The following ZNF407 variants were observed in gnomAD, a reference collection of about 807,000 sequenced individuals.
ZNF407 encodes the protein zinc finger protein 407.
ZNF407 carries 17 observed loss-of-function variants against 131.2 expected under a neutral mutation model. The observed-to-expected ratio is 0.13, with a 90% CI of 0.09 to 0.19. The LOEUF (loss-of-function observed/expected upper bound fraction) is 0.19. ZNF407 is among the 10% of genes least tolerant of loss of function. The pLI is 1.00. For synonymous variants in ZNF407, 1,156 were observed against 1,062.0 expected, an observed-to-expected ratio of 1.09 and a Z score of -1.72; for missense variants, 2,681 against 2,830.6, an observed-to-expected ratio of 0.95 and a Z score of 1.20.
intron 1 of ZNF407, among the ~76,000 whole-genome samples, chr18:74,609,887 T>C (rs994640855): frequency 6.6e-6 from 1 of 152,212 alleles, no homozygotes; most frequent in African/African-American, 2.4e-5. Context: ...GGCTTATCCA[T>C]TTGGTGGTTC....
intron 1 of ZNF407, among the ~76,000 whole-genome samples, chr18:74,625,933 T>A (rs542588868): frequency 6.6e-6 from 1 of 152,256 alleles, no homozygotes; most frequent in East Asian, 1.9e-4. Flanking sequence ...TAAATAACCA[T>A]AACAGAAAAA....
intron 7 of ZNF407, among the ~76,000 whole-genome samples, chr18:74,911,752 C>T (rs1971675176): frequency 1.3e-5 from 2 of 152,092 alleles, no homozygotes; most frequent in Non-Finnish European, 2.9e-5. Flanking sequence ...CACAAAAATA[C>T]GCATTCTAAA....
chr18:74,684,613 C>T (rs552825607), intron 3 of ZNF407, among the ~76,000 whole-genome samples: 24 of 152,124 alleles, frequency 1.6e-4, no homozygotes, highest in African/African-American at 3.1e-4. Flanking sequence ...TACTGTAAAC[C>T]GAATTATTTG....
chr18:75,000,942 A>G (rs1038993821), intron 8 of ZNF407, among the ~76,000 whole-genome samples: 1 of 152,188 alleles, frequency 6.6e-6, no homozygotes, highest in Admixed American at 6.5e-5. Flanking sequence ...AGTAGGGTGC[A>G]GTGAAATATC....
intron 7 of ZNF407, among the ~76,000 whole-genome samples, chr18:74,897,031 G>A (rs1023046855): frequency 6.6e-6 from 1 of 151,878 alleles, no homozygotes; most frequent in African/African-American, 2.4e-5. Context: ...TTCATATTCA[G>A]CTTGCTTTAT....
chr18:74,664,372 G>A (rs1308991780), intron 3 of ZNF407, among the ~76,000 whole-genome samples: 1 of 152,156 alleles, frequency 6.6e-6, no homozygotes, highest in African/African-American at 2.4e-5. Context: ...GCAGGTGCCT[G>A]TAGTCCCAGC....
intron 3 of ZNF407, among the ~76,000 whole-genome samples, chr18:74,720,215 A>AG (rs1967997711): frequency 1.3e-5 from 2 of 151,798 alleles, no homozygotes; most frequent in South Asian, 2.1e-4. Context: ...CATTCAACTG[A>AG]GGTGAGATGA....
At chr18:75,006,430 A>T (rs1972911372) in intron 8 of ZNF407, among the ~76,000 whole-genome samples, 1 of 152,148 alleles carries the variant, frequency 6.6e-6, no homozygotes, top group Non-Finnish European at 1.5e-5. Context: ...CCTCCAAGTA[A>T]TGTCTTAGCT....
chr18:74,840,065 T>C (rs1374118117), intron 4 of ZNF407, among the ~76,000 whole-genome samples: 1 of 152,128 alleles, frequency 6.6e-6, no homozygotes, highest in Admixed American at 6.5e-5. Flanking sequence ...ATACTCTTAC[T>C]TTAGAACTGT....
At chr18:74,776,531 T>G (rs1969475679) in intron 3 of ZNF407, among the ~76,000 whole-genome samples, 1 of 152,212 alleles carries the variant, frequency 6.6e-6, no homozygotes, top group Non-Finnish European at 1.5e-5. Context: ...CTGAGAAGTC[T>G]ACAGAACTTC....
intron 8 of ZNF407, among the ~76,000 whole-genome samples, chr18:75,050,972 T>G (rs1299952291): frequency 6.6e-6 from 1 of 152,154 alleles, no homozygotes; most frequent in Non-Finnish European, 1.5e-5. Flanking sequence ...TTTTTAGATT[T>G]GTCTTCTTTT....
At chr18:74,811,378 G>A (rs1338636471) in intron 4 of ZNF407, among the ~76,000 whole-genome samples, 2 of 152,058 alleles carry the variant, frequency 1.3e-5, no homozygotes, top group Admixed American at 1.3e-4. Context: ...GGAAACAAAG[G>A]TGCTGGAGAG....
chr18:75,064,698 C>T lies in ZNF407; in HGVS notation c.*230C>T, dbSNP rs546801481. On this transcript the variant is annotated 3_prime_UTR_variant, in exon 9 of 9. Transcript: ENST00000299687. ...CAGGCTGCCAAGTGCAGGGGAGGGC[C>T]GGGCGCAGGCCGCACAGGGAGCTCC... 1.8e-4 allele frequency: 77 copies of T among 437,164 alleles called. No individual in the cohort carries two copies. Among genetic ancestry groups the T allele is most frequent in the Non-Finnish European group, 2.8e-4 (69 of 249,268 alleles). The allele number at this position is 437,164 out of a possible 1,614,324, so 27.1% of individuals were successfully genotyped here. A position where few individuals can be genotyped will look rare whatever the true frequency, so the allele number is the denominator to read the frequency against.
At chr18:74,609,985 C>T (rs1982983371) in intron 1 of ZNF407, among the ~76,000 whole-genome samples, 1 of 152,060 alleles carries the variant, frequency 6.6e-6, no homozygotes, top group South Asian at 2.1e-4. Flanking sequence ...TATAAATTGT[C>T]TCTATTCTCA....
intron 3 of ZNF407, among the ~76,000 whole-genome samples, chr18:74,716,854 G>A (rs1197499080): frequency 6.6e-6 from 1 of 152,130 alleles, no homozygotes; most frequent in African/African-American, 2.4e-5. Flanking sequence ...TTTAAAATGA[G>A]CATTACTGTC....
Position 74,635,456 on chromosome 18 carries a change from T to C in ZNF407, c.4437T>C (p.Leu1479=). Residue 1479 remains leucine, a synonymous_variant, in exon 2 of 9, where the codon CTT becomes CTC. Coordinates refer to ENST00000299687, the MANE Select transcript of ZNF407 (RefSeq NM_017757.3). This position sits in a 1 kb window ranked among gnomAD's most constrained non-coding sequence, Gnocchi z 4.7. ...MRNEQASVEE[L]PEGGATFKCV... is the part of the protein sequence containing the mutation. Reference sequence around the variant, plus strand: ...ATGAGCAGGCCAGTGTGGAGGAGCTTCCGGAGGGAGGGGCCACCTTTAAAT... The same window carrying C: ...ATGAGCAGGCCAGTGTGGAGGAGCTCCCGGAGGGAGGGGCCACCTTTAAAT... The C allele has an allele frequency of 6.2e-7, 1 of 1,613,316 alleles. No homozygotes were observed. The highest frequency in any genetic ancestry group is 8.5e-7 in the Non-Finnish European group (1 of 1,179,528).
At chr18:74,955,641 A>G (rs1972266824) in intron 8 of ZNF407, among the ~76,000 whole-genome samples, 1 of 152,178 alleles carries the variant, frequency 6.6e-6, no homozygotes, top group African/African-American at 2.4e-5. Context: ...GTTGGCAAAA[A>G]TTTCAATGAA....
intron 3 of ZNF407, among the ~76,000 whole-genome samples, chr18:74,678,233 G>A (rs902259328): frequency 1.3e-5 from 2 of 152,090 alleles, no homozygotes; most frequent in African/African-American, 4.8e-5. Flanking sequence ...AGTAGCTGGG[G>A]GTATTAGCAG....
chr18:75,000,445 G>A (rs1308068130), intron 8 of ZNF407, among the ~76,000 whole-genome samples: 1 of 152,178 alleles, frequency 6.6e-6, no homozygotes, highest in Admixed American at 6.5e-5. Flanking sequence ...AGGCTGAAAT[G>A]GTCATATCCG....
Sources: gnomAD v4.1 joint callset for allele counts (sites outside exome capture counted in the v4.1 genomes callset) on GRCh38, gnomAD v4.1.1 for gene constraint, Gnocchi (gnomAD v3.1) non-coding constraint, MANE v1.5 for transcripts, NCBI Gene and HGNC (gene_info 2026-07-23, HGNC 2026-07-21) for gene names.